Variants in DLG2 observed in about 807,000 individuals in gnomAD.
The protein encoded by DLG2 is disks large homolog 2.
In DLG2, 45 loss-of-function variants were observed where a neutral mutation model predicts 132.5. That is an observed-to-expected ratio of 0.34 (90% CI 0.27 to 0.44). DLG2 has a LOEUF of 0.44. Ranked by LOEUF, DLG2 falls within the 20% of genes least tolerant of loss-of-function variation. The pLI is 1.00. For synonymous variants in DLG2, 424 were observed against 419.6 expected (o/e 1.01, Z -0.13); for missense variants, 1,045 against 1,196.9 (o/e 0.87, Z 1.87).
At chr11:84,907,744 A>C (rs74631524) in intron 6 of DLG2, among the ~76,000 whole-genome samples, 1 of 152,040 alleles carries the variant, frequency 6.6e-6, no homozygotes, top group Non-Finnish European at 1.5e-5. Flanking sequence ...ACCTGTCTGC[A>C]CCCAATGACA....
At chr11:84,109,949 C>T (rs886972777) in intron 9 of DLG2, among the ~76,000 whole-genome samples, 2 of 152,144 alleles carry the variant, frequency 1.3e-5, no homozygotes, top group African/African-American at 4.8e-5. Context: ...TGATTCTACC[C>T]CTGAAATACC....
intron 18 of DLG2, among the ~76,000 whole-genome samples, chr11:83,660,395 T>C (rs1427021527): frequency 6.6e-6 from 1 of 152,218 alleles, no homozygotes; most frequent in Non-Finnish European, 1.5e-5. Context: ...GGGTTAACAT[T>C]TAAAAATTAA....
chr11:85,368,000 C>T (rs140767999), intron 3 of DLG2, among the ~76,000 whole-genome samples: 66 of 152,186 alleles, frequency 4.3e-4, no homozygotes, highest in African/African-American at 1.5e-3. Flanking sequence ...TTTATATACA[C>T]TATTTTCCTA....
At chr11:84,058,990 A>G (rs1392263187) in intron 11 of DLG2, among the ~76,000 whole-genome samples, 1 of 152,094 alleles carries the variant, frequency 6.6e-6, no homozygotes, top group Non-Finnish European at 1.5e-5. Context: ...AGGATTTACC[A>G]TTTGTATCTG....
At chr11:84,038,123 G>A (rs948991589) in intron 11 of DLG2, among the ~76,000 whole-genome samples, 17 of 151,606 alleles carry the variant, frequency 1.1e-4, no homozygotes, top group African/African-American at 3.9e-4. Context: ...CCTCCTTCCC[G>A]GCTCCACCTT....
At chr11:85,094,659 G>C (rs1208428702) in intron 6 of DLG2, among the ~76,000 whole-genome samples, 1 of 152,144 alleles carries the variant, frequency 6.6e-6, no homozygotes, top group African/African-American at 2.4e-5. Context: ...GCCTTGCTCT[G>C]GATTAGGCTT....
intron 5 of DLG2, chr11:85,132,787 A>G (rs1454010632): frequency 1.1e-5 from 5 of 456,696 alleles, no homozygotes; most frequent in Non-Finnish European, 2.2e-5. Context: ...GACAATGCAC[A>G]GGCAATCCAT....
At chr11:83,994,644 T>C (rs1338564433) in intron 11 of DLG2, among the ~76,000 whole-genome samples, 2 of 152,158 alleles carry the variant, frequency 1.3e-5, no homozygotes, top group Non-Finnish European at 2.9e-5. Context: ...GGTAAAATAA[T>C]GCAGTGAGCT....
chr11:84,783,611 A>G (rs532506262), intron 6 of DLG2, among the ~76,000 whole-genome samples: 14 of 152,166 alleles, frequency 9.2e-5, no homozygotes, highest in Non-Finnish European at 1.5e-4. Context: ...ATATAACACT[A>G]TAGCTTTAGT....
chr11:85,256,756 A>G (rs2076690652), intron 4 of DLG2, among the ~76,000 whole-genome samples: 6 of 152,182 alleles, frequency 3.9e-5, no homozygotes. Context: ...CATTTCAATT[A>G]GAAAGATGCT....
intron 3 of DLG2, among the ~76,000 whole-genome samples, chr11:85,535,856 A>T (rs2075543531): frequency 6.6e-6 from 1 of 152,250 alleles, no homozygotes; most frequent in South Asian, 2.1e-4. Flanking sequence ...GCTTGAAAAC[A>T]TTATGTTGGT....
chr11:83,993,643 T>C (rs2093852722), intron 11 of DLG2, among the ~76,000 whole-genome samples: 1 of 152,164 alleles, frequency 6.6e-6, no homozygotes, highest in Admixed American at 6.6e-5. Context: ...GACTACTTCA[T>C]TACACTTGAA....
At chr11:83,637,137 A>G (rs113082542) in intron 18 of DLG2, among the ~76,000 whole-genome samples, 3 of 152,322 alleles carry the variant, frequency 2.0e-5, no homozygotes, top group African/African-American at 7.2e-5. Context: ...ATTGTGAAAT[A>G]TAAGTATGTT....
chr11:83,617,832 A>G (rs2061063647), intron 19 of DLG2, among the ~76,000 whole-genome samples: 1 of 152,124 alleles, frequency 6.6e-6, no homozygotes, highest in Admixed American at 6.6e-5. Flanking sequence ...CTCCATCTCT[A>G]CTAAAAATAC....
intron 3 of DLG2, among the ~76,000 whole-genome samples, chr11:85,382,509 C>G (rs1455867720): frequency 1.3e-5 from 2 of 151,826 alleles, no homozygotes; most frequent in African/African-American, 2.4e-5. Context: ...AAAATATAGA[C>G]TTCATAAAAA....
chr11:85,416,975 C>A (rs1405784582), intron 3 of DLG2, among the ~76,000 whole-genome samples: 1 of 152,088 alleles, frequency 6.6e-6, no homozygotes, highest in Non-Finnish European at 1.5e-5. Context: ...ACTTCCAATA[C>A]TATATCGAAT....
chr11:85,260,850 C>A (rs1215862857), intron 4 of DLG2, among the ~76,000 whole-genome samples: 1 of 152,164 alleles, frequency 6.6e-6, no homozygotes, highest in Non-Finnish European at 1.5e-5. Flanking sequence ...TGGGAAAGAA[C>A]CAGAGATGGG....
At chr11:84,529,283 A>G (rs2099329619) in intron 7 of DLG2, among the ~76,000 whole-genome samples, 1 of 152,186 alleles carries the variant, frequency 6.6e-6, no homozygotes, top group Non-Finnish European at 1.5e-5. Flanking sequence ...AGTCCTGGAA[A>G]TCCTAGACAA....
chr11:84,476,627 C>A (rs2099122356), intron 7 of DLG2, among the ~76,000 whole-genome samples: 1 of 152,148 alleles, frequency 6.6e-6, no homozygotes, highest in African/African-American at 2.4e-5. Flanking sequence ...ATTTCTGAAG[C>A]TAGGTCATAA....
Sources: allele counts gnomAD v4.1 joint callset (sites outside exome capture counted in the v4.1 genomes callset), GRCh38; gene constraint gnomAD v4.1.1; transcripts MANE v1.5; gene names NCBI Gene and HGNC (gene_info 2026-07-23, HGNC 2026-07-21).